The following PPP2R5C variants were observed in gnomAD, a reference collection of about 807,000 sequenced individuals.
The protein encoded by PPP2R5C is serine/threonine-protein phosphatase 2A 56 kDa regulatory subunit gamma isoform.
A neutral mutation model predicts 68.9 loss-of-function variants in PPP2R5C; 7 were observed. The ratio of observed to expected loss-of-function variants is 0.10; its 90% CI spans 0.06 to 0.19. The LOEUF (loss-of-function observed/expected upper bound fraction) is 0.19. Among genes scored for constraint, PPP2R5C ranks in the 10% least tolerant of loss-of-function variants. The probability of loss-of-function intolerance (pLI) is 1.00; values close to 1 mark genes in which losing one functional copy is unlikely to be tolerated. For synonymous variants in PPP2R5C, 210 were observed against 222.2 expected, an observed-to-expected ratio of 0.95 and a Z score of 0.49; for missense variants, 348 against 641.3, an observed-to-expected ratio of 0.54 and a Z score of 4.94.
intron 5 of PPP2R5C, among the ~76,000 whole-genome samples, chr14:101,884,074 G>A (rs1054670159): frequency 6.6e-6 from 1 of 152,200 alleles, no homozygotes; most frequent in African/African-American, 2.4e-5. Flanking sequence ...TCAGTCTGTG[G>A]CGGAAAGCCC....
chr14:101,922,287 G>A (rs1412596421), intron 13 of PPP2R5C: 9 of 689,836 alleles, frequency 1.3e-5, no homozygotes, highest in East Asian at 2.7e-4. Context: ...TCAGGAGTTC[G>A]AGACCAGCCT....
chr14:101,917,557 G>A lies in PPP2R5C; in HGVS notation c.1327-274G>A, dbSNP rs2046749513. Among the ~76,000 whole-genome samples the A allele has an allele frequency of 6.7e-6, 1 of 149,302 alleles. No individual in the cohort carries two copies. Among genetic ancestry groups the A allele is most frequent in the South Asian group, 2.1e-4 (1 of 4,788 alleles). On this transcript the variant is annotated intron_variant, in intron 12 of 13. Transcript: ENST00000334743. The surrounding 1 kb of genome is among the most constrained non-coding windows in gnomAD (Gnocchi z 4.4). The stretch of plus-strand genomic sequence containing the variant: ...TGGAGTCAGAACTGCAGAGGCCATG[G>A]GGTGTGGGCCAGGGTATGGGCGGGC...
intron 2 of PPP2R5C, 57 bp from the exon 3 acceptor site, chr14:101,785,961 G>T: frequency 7.0e-7 from 1 of 1,420,142 alleles, no homozygotes; most frequent in Non-Finnish European, 9.4e-7. Flanking sequence ...TATTTTAATA[G>T]TGCTACAAAA....
intron 10 of PPP2R5C, among the ~76,000 whole-genome samples, chr14:101,908,976 G>A (rs913205583): frequency 2.6e-5 from 4 of 152,308 alleles, no homozygotes; most frequent in South Asian, 4.1e-4. Context: ...GTCCTGCTGC[G>A]CAGGCTTTCG....
rs140064214 is a variant in PPP2R5C at position 101,910,838 on chromosome 14, C to A, written c.1253+1148C>A. On this transcript the variant is annotated intron_variant, in intron 11 of 13. Transcript: ENST00000334743. Reference sequence around the variant, plus strand: ...AAAAAAAAGGCCGGGCATGGTGGCTCATGCCTGTAATCCCAGCACTTTGGG... The same window carrying A: ...AAAAAAAAGGCCGGGCATGGTGGCTAATGCCTGTAATCCCAGCACTTTGGG... Among the ~76,000 whole-genome samples the A allele has an allele frequency of 3.6e-3, 548 of 152,056 alleles. 3 individuals carry two copies. The highest frequency in any genetic ancestry group is 0.013 in the African/African-American group (539 of 41,496).
At chr14:101,784,518 G>T (rs967697378) in intron 2 of PPP2R5C, among the ~76,000 whole-genome samples, 2 of 147,690 alleles carry the variant, frequency 1.4e-5, no homozygotes, top group African/African-American at 4.9e-5. Flanking sequence ...AGTGGGGGGG[G>T]GGAACTGCCA....
intron 2 of PPP2R5C, among the ~76,000 whole-genome samples, chr14:101,872,381 G>T (rs1373684714): frequency 6.6e-6 from 1 of 151,784 alleles, no homozygotes; most frequent in East Asian, 1.9e-4. Context: ...GGGATGACAG[G>T]CACATGCCAC....
chr14:101,763,418 T>A (rs2036665635), intron 2 of PPP2R5C, among the ~76,000 whole-genome samples: 1 of 151,800 alleles, frequency 6.6e-6, no homozygotes, highest in Admixed American at 6.6e-5. Flanking sequence ...AGTCTCACTC[T>A]GTCACCCAGG....
chr14:101,821,682 T>A (rs2040081769), intron 1 of PPP2R5C, among the ~76,000 whole-genome samples: 1 of 152,176 alleles, frequency 6.6e-6, no homozygotes, highest in Non-Finnish European at 1.5e-5. Context: ...TTGTACTGTG[T>A]ATACATACGT....
intron 1 of PPP2R5C, among the ~76,000 whole-genome samples, chr14:101,840,998 C>T (rs2041436571): frequency 1.3e-5 from 2 of 152,152 alleles, no homozygotes; most frequent in Non-Finnish European, 2.9e-5. Flanking sequence ...TCACTTGATA[C>T]ATCATTAACA....
chr14:101,851,874 T>C (rs186537712), intron 1 of PPP2R5C, among the ~76,000 whole-genome samples: 1 of 152,226 alleles, frequency 6.6e-6, no homozygotes, highest in East Asian at 1.9e-4. Flanking sequence ...ATAGTGACAA[T>C]TTAGTAATTC....
chr14:101,866,988 G>A lies in PPP2R5C; in HGVS notation c.294+10103G>A, dbSNP rs902522796. On this transcript the variant is annotated intron_variant, in intron 2 of 13. Transcript: ENST00000334743. ...TCCCAGCACTTTGGGAGGCTGAAGC[G>A]GACAGATCACCTGAAGTTAGGAGTT... Among the ~76,000 whole-genome samples the A allele has an allele frequency of 9.9e-5, 15 of 151,954 alleles. 1 individual carries two copies. The highest frequency in any genetic ancestry group is 2.6e-4 in the Admixed American group (4 of 15,244).
At chr14:101,859,380 G>C (rs954341121) in intron 2 of PPP2R5C, among the ~76,000 whole-genome samples, 3 of 152,230 alleles carry the variant, frequency 2.0e-5, no homozygotes, top group Admixed American at 2.0e-4. Context: ...GTGGAAACTG[G>C]GTGATGAATT....
At chr14:101,920,694 G>A (rs4906164) in intron 13 of PPP2R5C, among the ~76,000 whole-genome samples, 29,763 of 152,144 alleles carry the variant, frequency 0.2, 4,710 homozygotes, top group African/African-American at 0.43. Flanking sequence ...AGGATCTAGA[G>A]TAGCCAAAAC....
intron 2 of PPP2R5C, 51 bp downstream of exon 4, chr14:101,856,936 G>C: frequency 6.5e-7 from 1 of 1,534,740 alleles, no homozygotes; most frequent in Non-Finnish European, 9.0e-7. Flanking sequence ...TTATAAACAG[G>C]ACAGGCCAAG....
chr14:101,807,378 A>T (rs945555012), upstream of PPP2R5C, among the ~76,000 whole-genome samples: 1 of 152,144 alleles, frequency 6.6e-6, no homozygotes, highest in Non-Finnish European at 1.5e-5. Flanking sequence ...TCATTAATTC[A>T]TACAGCTTTA....
intron 2 of PPP2R5C, among the ~76,000 whole-genome samples, chr14:101,772,843 C>A (rs1337422680): frequency 6.6e-6 from 1 of 152,148 alleles, no homozygotes; most frequent in African/African-American, 2.4e-5. Context: ...TCAAGGTTCT[C>A]CCTTCACCTT....
chr14:101,838,777 C>T, intron 1 of PPP2R5C, among the ~76,000 whole-genome samples: 1 of 152,212 alleles, frequency 6.6e-6, no homozygotes, highest in Non-Finnish European at 1.5e-5. Context: ...GGCATGGTGG[C>T]TCATGCCTGT....
rs374797593 is a variant in PPP2R5C at position 101,762,990 on chromosome 14, G to A, written c.93+20G>A. ...TCAGAGGTAACTGTCATCAAATATT[G>A]ACTTTGTATTTTATACACAGCTTTT... On this transcript the variant is annotated intron_variant, in intron 2 of 14. Coordinates refer to the PPP2R5C transcript ENST00000328724. 3 of 1,550,274 alleles carry A rather than the reference G, an allele frequency of 1.9e-6. No individual in the cohort carries two copies. Among genetic ancestry groups the A allele is most frequent in the Admixed American group, 1.9e-5 (1 of 51,754 alleles).
Sources: allele counts gnomAD v4.1 joint callset (sites outside exome capture counted in the v4.1 genomes callset), GRCh38; gene constraint gnomAD v4.1.1; non-coding constraint Gnocchi (gnomAD v3.1); transcripts MANE v1.5; gene names NCBI Gene and HGNC (gene_info 2026-07-23, HGNC 2026-07-21).